RTKN2: variants seen among roughly 807,000 people sequenced by gnomAD.
The protein encoded by RTKN2 is rhotekin-2.
RTKN2 carries 69 observed loss-of-function variants against 71.5 expected under a neutral mutation model. The observed-to-expected ratio is 0.96, with a 90% confidence interval of 0.79 to 1.18. RTKN2 has a LOEUF of 1.18. RTKN2 is among the 50% of genes most tolerant of loss of function. The pLI is 0.00. For synonymous variants in RTKN2, 236 were observed against 236.5 expected, an observed-to-expected ratio of 1.00 and a Z score of 0.02; for missense variants, 724 against 719.7, an observed-to-expected ratio of 1.01 and a Z score of -0.07.
intron 7 of RTKN2, 65 bp downstream of exon 7, chr10:62,223,173 G>A: frequency 1.1e-6 from 1 of 887,920 alleles, no homozygotes; most frequent in Non-Finnish European, 1.8e-6. Flanking sequence ...CACTTGAGGG[G>A]AACATACTAT....
chr10:62,267,328 T>C (rs913959200), intron 1 of RTKN2, among the ~76,000 whole-genome samples: 5 of 152,196 alleles, frequency 3.3e-5, no homozygotes, highest in Non-Finnish European at 7.4e-5. Flanking sequence ...TTCTGTACCA[T>C]TCCTATTCTT....
intron 2 of RTKN2, among the ~76,000 whole-genome samples, chr10:62,247,908 G>A (rs1045069904): frequency 6.6e-6 from 1 of 152,002 alleles, no homozygotes; most frequent in Non-Finnish European, 1.5e-5. Context: ...CAAATATAGT[G>A]AATAACTTAA....
intron 2 of RTKN2, among the ~76,000 whole-genome samples, chr10:62,261,294 T>C (rs184648597): frequency 5.8e-4 from 89 of 152,286 alleles, no homozygotes; most frequent in African/African-American, 1.9e-3. Context: ...ATTTTCAAAA[T>C]GTAAATATTA....
chr10:62,257,868 G>A (rs535767885), intron 2 of RTKN2, among the ~76,000 whole-genome samples: 2 of 152,246 alleles, frequency 1.3e-5, no homozygotes, highest in African/African-American at 4.8e-5. Flanking sequence ...AGCAACCTAT[G>A]CACCTCATCC....
Position 62,193,262 on chromosome 10 carries a change from CT to C in RTKN2, c.*4645del. On this transcript the variant is annotated 3_prime_UTR_variant, in exon 12 of 12. Coordinates refer to ENST00000373789, the MANE Select transcript of RTKN2 (RefSeq NM_145307.4). ...TGACATAATTATGTATATACAAGAT[CT>C]TTTCAATCTACCTCTCCTTTAGTAG... 2.1e-6 allele frequency: 2 copies of C among 964,430 alleles called. No homozygotes were observed. The highest frequency in any genetic ancestry group is 2.5e-6 in the Non-Finnish European group (2 of 810,904). 59.7% of individuals were successfully genotyped at this position (964,430 alleles called of 1,614,324 possible).
chr10:62,190,091 C>T (rs1841196867), downstream of RTKN2, among the ~76,000 whole-genome samples: 1 of 152,084 alleles, frequency 6.6e-6, no homozygotes, highest in African/African-American at 2.4e-5. Context: ...GTTCCTTCAA[C>T]CCAGGGCCAA....
At chr10:62,212,224 C>A (rs564460894) in intron 9 of RTKN2, among the ~76,000 whole-genome samples, 4 of 151,742 alleles carry the variant, frequency 2.6e-5, no homozygotes, top group Admixed American at 1.3e-4. Context: ...CAAAAATTAG[C>A]CGGGCATGGT....
rs1175445894 is a variant in RTKN2 at position 62,197,530 on chromosome 10, T to C, written c.*378A>G. On this transcript the variant is annotated 3_prime_UTR_variant, in exon 12 of 12. Transcript: ENST00000373789. ...TCCATTAGTATTAAAATTCTCACAA[T>C]GAGAATATGGTTCATATTTAACACA... 2 of 992,496 alleles carry C rather than the reference T, an allele frequency of 2.0e-6. No individual in the cohort carries two copies. The highest frequency in any genetic ancestry group is 2.4e-6 in the Non-Finnish European group (2 of 833,968). 61.5% of individuals were successfully genotyped at this position (992,496 alleles called of 1,614,324 possible).
At chr10:62,215,533 T>C (rs1351488865) in intron 9 of RTKN2, among the ~76,000 whole-genome samples, 1 of 152,036 alleles carries the variant, frequency 6.6e-6, no homozygotes, top group Non-Finnish European at 1.5e-5. Context: ...TTAGATAATA[T>C]TGTATCAACA....
chr10:62,216,209 A>T (rs530691332), intron 9 of RTKN2, among the ~76,000 whole-genome samples: 15 of 152,134 alleles, frequency 9.9e-5, no homozygotes, highest in African/African-American at 3.6e-4. Context: ...AAGGACGTAC[A>T]ACTTTACATT....
chr10:62,220,039 G>A (rs1428569109), intron 7 of RTKN2, among the ~76,000 whole-genome samples: 1 of 152,078 alleles, frequency 6.6e-6, no homozygotes, highest in Non-Finnish European at 1.5e-5. Flanking sequence ...TGCCCTGTTG[G>A]TAGTGCCTAC....
chr10:62,209,426 G>A (rs1006553253), intron 9 of RTKN2, among the ~76,000 whole-genome samples: 19 of 152,054 alleles, frequency 1.2e-4, no homozygotes, highest in African/African-American at 4.6e-4. Context: ...AGTTAGAGGT[G>A]TGAGTGAGCA....
Position 62,198,125 on chromosome 10 carries a change from G to A in RTKN2, c.1613C>T (p.Thr538Ile), listed in dbSNP as rs1841367562. 5 of 1,614,022 alleles carry A rather than the reference G, an allele frequency of 3.1e-6. No homozygotes were observed. The highest frequency in any genetic ancestry group is 4.2e-6 in the Non-Finnish European group (5 of 1,180,012). ...TGATAGTTTGGTATCCAAAGACGAT[G>A]TCTGAGATACACTTGTTTTTCCCCA... ...DNWGKTSVSQ[T>I]SSLDTKLSTL... The change falls in exon 12 of 12, where the codon ACA becomes ATA. Residue 538 changes from threonine to isoleucine, a missense_variant. Physicochemically the swap from Thr to Ile is moderately conservative, Grantham distance 89 (BLOSUM62 -1). Transcript: ENST00000373789.
At chr10:62,227,998 T>C (rs1842065842) in intron 6 of RTKN2, among the ~76,000 whole-genome samples, 1 of 152,122 alleles carries the variant, frequency 6.6e-6, no homozygotes, top group Non-Finnish European at 1.5e-5. Flanking sequence ...AGGTAAGAAT[T>C]CAGTTTGGGG....
rs1841298105 is a variant in RTKN2 at position 62,195,194 on chromosome 10, T to C, written c.*2714A>G. The C allele has an allele frequency of 1.0e-6, 1 of 977,376 alleles. No homozygotes were observed. The highest frequency in any genetic ancestry group is 1.2e-6 in the Non-Finnish European group (1 of 822,642). 60.5% of individuals were successfully genotyped at this position (977,376 alleles called of 1,614,324 possible). A position where few individuals can be genotyped will look rare whatever the true frequency, so the allele number is the denominator to read the frequency against. Reference sequence around the variant, plus strand: ...TCTTTAGATCATCAGAATTATCATATCATAAAATATCTATTCTGTTTCCCC... The same window carrying C: ...TCTTTAGATCATCAGAATTATCATACCATAAAATATCTATTCTGTTTCCCC... On this transcript the variant is annotated 3_prime_UTR_variant, in exon 12 of 12. Coordinates refer to ENST00000373789, the MANE Select transcript of RTKN2 (RefSeq NM_145307.4).
intron 3 of RTKN2, 88 bp from the exon 4 acceptor site, chr10:62,241,283 A>C: frequency 2.8e-6 from 2 of 724,956 alleles, no homozygotes; most frequent in East Asian, 5.3e-5. Flanking sequence ...TTCCATAATA[A>C]TTCTGACTAC....
intron 7 of RTKN2, among the ~76,000 whole-genome samples, chr10:62,221,061 T>C (rs1446433887): frequency 1.3e-5 from 2 of 150,976 alleles, no homozygotes; most frequent in Middle Eastern, 3.4e-3. Context: ...GTATCCCAGA[T>C]GCAAGGCATA....
rs200440835 is a variant in RTKN2 at position 62,217,226 on chromosome 10, A to G, written c.912T>C (p.Ser304=). The G allele has an allele frequency of 2.8e-5, 44 of 1,582,618 alleles. No individual in the cohort carries two copies. Among genetic ancestry groups the G allele is most frequent in the Non-Finnish European group, 3.4e-5 (40 of 1,166,458 alleles). ...GCAAAACACAATACAACCTTCTCCA[A>G]CTAATCAGACCTTCTACCATTTGCT... ...NQQQMVEGLI[S]WRRLYCVLRG... The change falls in exon 9 of 12, where the codon AGT becomes AGC. Residue 304 remains serine (S), a synonymous_variant. Transcript: ENST00000373789.
chr10:62,232,189 A>C (rs1842162666), intron 6 of RTKN2, among the ~76,000 whole-genome samples: 1 of 152,220 alleles, frequency 6.6e-6, no homozygotes, highest in Non-Finnish European at 1.5e-5. Context: ...AATTCTGAAC[A>C]GGAAAACAGA....
Sources: allele counts gnomAD v4.1 joint callset (sites outside exome capture counted in the v4.1 genomes callset), GRCh38; gene constraint gnomAD v4.1.1; transcripts MANE v1.5; gene names NCBI Gene and HGNC (gene_info 2026-07-23, HGNC 2026-07-21).